Variants in ZNF385D observed in about 807,000 individuals in gnomAD.
ZNF385D encodes the protein zinc finger protein 659.
Under a neutral mutation model 35.8 loss-of-function variants are expected in ZNF385D, and 15 were observed. The ratio of observed to expected loss-of-function variants is 0.42; its 90% CI spans 0.28 to 0.64. The LOEUF (loss-of-function observed/expected upper bound fraction) is 0.64, where lower values mean the gene tolerates loss of function less well. Among genes scored for constraint, ZNF385D ranks in the 30% least tolerant of loss-of-function variants. The pLI is 0.23. For synonymous variants in ZNF385D, 212 were observed against 186.8 expected (o/e 1.13, Z -1.10); for missense variants, 474 against 494.6 (o/e 0.96, Z 0.39).
chr3:22,110,709 A>T (rs984870590), intron 3 of ZNF385D, among the ~76,000 whole-genome samples: 3 of 151,982 alleles, frequency 2.0e-5, no homozygotes, highest in Non-Finnish European at 4.4e-5. Flanking sequence ...TAATGGGTGC[A>T]GCACACCAAC....
At chr3:21,586,376 C>G (rs1482554068) in intron 2 of ZNF385D, among the ~76,000 whole-genome samples, 1 of 152,080 alleles carries the variant, frequency 6.6e-6, no homozygotes, top group Non-Finnish European at 1.5e-5. Flanking sequence ...GTTCAGAATC[C>G]ATAATGGTAT....
intron 2 of ZNF385D, among the ~76,000 whole-genome samples, chr3:21,570,507 G>T (rs1017637937): frequency 6.6e-6 from 1 of 152,158 alleles, no homozygotes; most frequent in Non-Finnish European, 1.5e-5. Context: ...CAATTTCACA[G>T]TTCTTAAACC....
intron 1 of ZNF385D, among the ~76,000 whole-genome samples, chr3:21,714,456 C>T (rs577984813): frequency 1.3e-5 from 2 of 152,236 alleles, no homozygotes; most frequent in East Asian, 1.9e-4. Flanking sequence ...TCATAAATTC[C>T]CATATTCTTA....
At chr3:22,307,500 G>A (rs1001367951) in intron 2 of ZNF385D, among the ~76,000 whole-genome samples, 5 of 152,052 alleles carry the variant, frequency 3.3e-5, no homozygotes, top group Non-Finnish European at 5.9e-5. Flanking sequence ...GTTATTTGGA[G>A]AATAAATAAG....
chr3:22,191,097 A>C (rs543987008), intron 2 of ZNF385D, among the ~76,000 whole-genome samples: 1 of 152,044 alleles, frequency 6.6e-6, no homozygotes, highest in South Asian at 2.1e-4. Context: ...AAATAAACAT[A>C]GGAAGTCCAC....
intron 3 of ZNF385D, among the ~76,000 whole-genome samples, chr3:21,830,138 G>T (rs531923993): frequency 9.2e-5 from 14 of 151,974 alleles, no homozygotes; most frequent in Non-Finnish European, 1.8e-4. Flanking sequence ...AATAAAAGAG[G>T]CATTTTAGAG....
At chr3:22,206,833 T>TTTC (rs1210528889) in intron 2 of ZNF385D, among the ~76,000 whole-genome samples, 2 of 151,738 alleles carry the variant, frequency 1.3e-5, no homozygotes, top group Non-Finnish European at 2.9e-5. Flanking sequence ...AAACTTCAAA[T>TTTC]ATATAACCTG....
rs543867231 is a variant in ZNF385D, at chr3:22,357,898, CAGA to C, written c.106+14549_106+14551del. ...GAGAATTGCAATTCTTCCAGGTGAT[CAGA>C]AGAAGGAGAACAAGAAATATTAGGA... On this transcript the variant is annotated intron_variant, in intron 2 of 5. Transcript: ENST00000494108. Among the ~76,000 whole-genome samples, 30 of 151,926 alleles carry C rather than the reference CAGA, an allele frequency of 2.0e-4. No individual in the cohort carries two copies. The South Asian group carries it at 2.9e-3, about 15-fold the overall frequency.
rs112819178 is a variant in ZNF385D, at chr3:21,437,223, G to GA, written c.440-21dup. The GA allele has an allele frequency of 0.011, 18,013 of 1,582,578 alleles. 125 individuals carry two copies. Among genetic ancestry groups the GA allele is most frequent in the Non-Finnish European group, 0.014 (15,926 of 1,163,056 alleles). ...TACCGTCTGTATTCAAAATAACACA[G>GA]AAAAAAGGGGGAAAAACAATGGTAT... On this transcript the variant is annotated intron_variant, in intron 4 of 7. Transcript: ENST00000281523.
intron 4 of ZNF385D, among the ~76,000 whole-genome samples, chr3:21,478,951 G>A (rs1446041630): frequency 1.3e-5 from 2 of 151,816 alleles, no homozygotes; most frequent in Admixed American, 6.6e-5. Context: ...CTTTCAAAAT[G>A]TACATAATGA....
intron 3 of ZNF385D, among the ~76,000 whole-genome samples, chr3:21,931,222 C>T (rs747286527): frequency 6.6e-6 from 1 of 151,972 alleles, no homozygotes; most frequent in Non-Finnish European, 1.5e-5. Context: ...TAAGAAAATG[C>T]AAATTAAAAT....
chr3:22,311,634 G>C (rs1270981201), intron 2 of ZNF385D, among the ~76,000 whole-genome samples: 1 of 152,072 alleles, frequency 6.6e-6, no homozygotes, highest in Non-Finnish European at 1.5e-5. Flanking sequence ...CATTTAGCTT[G>C]TATGTATAAG....
chr3:22,099,422 T>G (rs1179937425), intron 3 of ZNF385D, among the ~76,000 whole-genome samples: 1 of 152,034 alleles, frequency 6.6e-6, no homozygotes, highest in Non-Finnish European at 1.5e-5. Flanking sequence ...ATTAGAACAT[T>G]GTAGTGACAG....
At chr3:21,651,556 G>A (rs1290700276) in intron 2 of ZNF385D, among the ~76,000 whole-genome samples, 5 of 150,702 alleles carry the variant, frequency 3.3e-5, no homozygotes, top group East Asian at 2.0e-4. Flanking sequence ...TGGTAGTGAC[G>A]GTGGTGAAGA....
chr3:21,608,722 T>G (rs976715235), intron 2 of ZNF385D, among the ~76,000 whole-genome samples: 6 of 152,200 alleles, frequency 3.9e-5, no homozygotes, highest in Non-Finnish European at 8.8e-5. Context: ...ACCCTCTAGA[T>G]AAAGCTTGAT....
intron 5 of ZNF385D, among the ~76,000 whole-genome samples, chr3:21,430,687 C>G (rs1334905712): frequency 1.3e-5 from 2 of 152,166 alleles, no homozygotes; most frequent in Non-Finnish European, 2.9e-5. Flanking sequence ...CCCCGCTTCT[C>G]TAGACACACA....
At position 22,160,574 on chromosome 3, in the gene ZNF385D, G is replaced by T. The variant is rs1050102371; in HGVS notation, c.325+8243C>A. ...TGGGGCAATCAATGGAAAGAAAAAA[G>T]AATAGATCAGTGAGAACTAGAAATT... On this transcript the variant is annotated intron_variant, in intron 3 of 5. Transcript: ENST00000494108. Among the ~76,000 whole-genome samples, 6 of 152,004 alleles carry T rather than the reference G, an allele frequency of 3.9e-5. No individual in the cohort carries two copies. In the East Asian group the frequency reaches 7.7e-4, roughly 20 times the overall value.
intron 2 of ZNF385D, among the ~76,000 whole-genome samples, chr3:22,356,635 G>C (rs191114722): frequency 4.0e-5 from 6 of 151,896 alleles, no homozygotes; most frequent in African/African-American, 1.4e-4. Flanking sequence ...ATATTAGATA[G>C]GTAGATAATA....
chr3:21,460,237 C>A (rs1429381519), intron 4 of ZNF385D, among the ~76,000 whole-genome samples: 2 of 152,054 alleles, frequency 1.3e-5, no homozygotes, highest in Non-Finnish European at 2.9e-5. Flanking sequence ...GTGTCATATG[C>A]CCTGGCCTGC....
Sources: allele counts gnomAD v4.1 joint callset (sites outside exome capture counted in the v4.1 genomes callset), GRCh38; gene constraint gnomAD v4.1.1; transcripts MANE v1.5; gene names NCBI Gene and HGNC (gene_info 2026-07-23, HGNC 2026-07-21).